Variants in CSNK2A2IP observed in about 807,000 individuals in gnomAD.
CSNK2A2IP encodes the protein casein kinase II subunit alpha'-interacting protein.
At chr3:88,460,021 T>C in the CSNK2A2IP span, among the ~76,000 whole-genome samples, 1 of 152,148 alleles carries the variant, frequency 6.6e-6, no homozygotes, top group South Asian at 2.1e-4. Flanking sequence ...CTGAATGACA[T>C]ACAGCAGTTT....
chr3:88,431,250 G>T, the CSNK2A2IP span: 1 of 152,240 alleles, frequency 6.6e-6, no homozygotes, highest in African/African-American at 2.4e-5. Flanking sequence ...TACAGATTGA[G>T]CTCCTTGTTC....
the CSNK2A2IP span, among the ~76,000 whole-genome samples, chr3:88,369,992 C>T: frequency 2.0e-5 from 3 of 151,828 alleles, no homozygotes; most frequent in Non-Finnish European, 2.9e-5. Flanking sequence ...AAAGCAGCAA[C>T]TGGAATCCAA....
At chr3:88,455,297 T>C in the CSNK2A2IP span, among the ~76,000 whole-genome samples, 1 of 151,932 alleles carries the variant, frequency 6.6e-6, no homozygotes, top group African/African-American at 2.4e-5. Flanking sequence ...CTCCATACTA[T>C]TTTTTACAAT....
chr3:88,385,695 T>C, the CSNK2A2IP span, among the ~76,000 whole-genome samples: 1 of 152,164 alleles, frequency 6.6e-6, no homozygotes, highest in Non-Finnish European at 1.5e-5. Flanking sequence ...GCTGATGGAA[T>C]GAAATCCTCA....
chr3:88,412,087 G>A, the CSNK2A2IP span, among the ~76,000 whole-genome samples: 1 of 151,662 alleles, frequency 6.6e-6, no homozygotes, highest in African/African-American at 2.4e-5. Flanking sequence ...AGGAGAGTTT[G>A]GTGTGAAAAA....
chr3:88,400,575 C>T, the CSNK2A2IP span, among the ~76,000 whole-genome samples: 7 of 152,218 alleles, frequency 4.6e-5, no homozygotes, highest in Non-Finnish European at 8.8e-5. Flanking sequence ...AATTGGAGAT[C>T]ATTTTCTAGT....
At chr3:88,428,482 C>T in the CSNK2A2IP span, among the ~76,000 whole-genome samples, 1 of 151,976 alleles carries the variant, frequency 6.6e-6, no homozygotes, top group African/African-American at 2.4e-5. Context: ...GCTCTGTGTC[C>T]CCACCCAGAT....
chr3:88,347,903 G>A, the CSNK2A2IP span, among the ~76,000 whole-genome samples: 18 of 151,858 alleles, frequency 1.2e-4, no homozygotes, highest in Non-Finnish European at 2.6e-4. Context: ...AGTATCTCCT[G>A]TATTTGCTTT....
chr3:88,416,594 C>T, the CSNK2A2IP span, among the ~76,000 whole-genome samples: 20 of 152,284 alleles, frequency 1.3e-4, no homozygotes, highest in African/African-American at 3.4e-4. Context: ...ACAAAGTCTT[C>T]GCTCCTGAAA....
At chr3:88,349,636 TG>T in the CSNK2A2IP span, among the ~76,000 whole-genome samples, 1 of 152,048 alleles carries the variant, frequency 6.6e-6, no homozygotes, top group East Asian at 1.9e-4. Flanking sequence ...ACTTCTTTTT[TG>T]GGGGGTAGAT....
chr3:88,428,768 A>C, the CSNK2A2IP span, among the ~76,000 whole-genome samples: 13 of 152,090 alleles, frequency 8.5e-5, no homozygotes, highest in African/African-American at 3.1e-4. Flanking sequence ...AAGATAACCA[A>C]ATGAGACTTA....
the CSNK2A2IP span, among the ~76,000 whole-genome samples, chr3:88,400,354 G>A: frequency 3.1e-4 from 47 of 152,150 alleles, no homozygotes; most frequent in African/African-American, 8.4e-4. Context: ...CTAATGCTGC[G>A]GGAAATTTTG....
the CSNK2A2IP span, among the ~76,000 whole-genome samples, chr3:88,410,245 T>A: frequency 6.6e-6 from 1 of 152,060 alleles, no homozygotes; most frequent in Admixed American, 6.6e-5. Flanking sequence ...AAGCTTAGAA[T>A]ATCCTGAAGA....
chr3:88,383,356 T>C, the CSNK2A2IP span, among the ~76,000 whole-genome samples: 4 of 152,252 alleles, frequency 2.6e-5, no homozygotes, highest in Non-Finnish European at 4.4e-5. Context: ...CAATTTTATA[T>C]CTTTCTGAGG....
At chr3:88,466,303 C>T in the CSNK2A2IP span, 1 of 1,231,724 alleles carries the variant, frequency 8.1e-7, no homozygotes, top group Non-Finnish European at 1.0e-6. Flanking sequence ...TGAGAATTTA[C>T]CATTGTTTCA....
chr3:88,465,934 C>A, the CSNK2A2IP span: 2 of 1,231,610 alleles, frequency 1.6e-6, no homozygotes, highest in Non-Finnish European at 2.0e-6. Context: ...TCAAGAAATA[C>A]CTTCCATAAA....
At chr3:88,449,546 GT>G in the CSNK2A2IP span, among the ~76,000 whole-genome samples, 7 of 151,480 alleles carry the variant, frequency 4.6e-5, no homozygotes, top group East Asian at 1.2e-3. Context: ...ATTTTTATCA[GT>G]GCTTTGTTTT....
the CSNK2A2IP span, among the ~76,000 whole-genome samples, chr3:88,449,298 A>T: frequency 5.3e-5 from 8 of 152,188 alleles, no homozygotes; most frequent in African/African-American, 1.9e-4. Context: ...ATATGTTAGC[A>T]TGTTATTTTC....
the CSNK2A2IP span, among the ~76,000 whole-genome samples, chr3:88,379,715 C>T: frequency 1.3e-5 from 2 of 152,134 alleles, no homozygotes; most frequent in South Asian, 4.1e-4. Flanking sequence ...TTAATTATTG[C>T]CCCTAAATTT....
Sources: allele counts gnomAD v4.1 joint callset (sites outside exome capture counted in the v4.1 genomes callset), GRCh38; gene constraint gnomAD v4.1.1; transcripts MANE v1.5; gene names NCBI Gene and HGNC (gene_info 2026-07-23, HGNC 2026-07-21).